The following TLN2 variants were observed in gnomAD, a reference collection of about 807,000 sequenced individuals.
The protein encoded by TLN2 is talin 2, also known as talin-2.
Under a neutral mutation model 294.7 loss-of-function variants are expected in TLN2, and 118 were observed. The observed-to-expected ratio is 0.40, with a 90% CI of 0.34 to 0.47. The LOEUF (loss-of-function observed/expected upper bound fraction) is 0.47. Ranked by LOEUF, TLN2 falls within the 20% of genes least tolerant of loss-of-function variation. The probability of loss-of-function intolerance (pLI) is 0.84; values close to 1 mark genes in which losing one functional copy is unlikely to be tolerated. For synonymous variants in TLN2, 1,431 were observed against 1,304.5 expected, an observed-to-expected ratio of 1.10 and a Z score of -2.09; for missense variants, 3,083 against 3,282.2, an observed-to-expected ratio of 0.94 and a Z score of 1.48.
Position 62,753,822 on chromosome 15 carries a change from A to G in TLN2, c.4382A>G (p.Gln1461Arg), listed in dbSNP as rs1416175262. 6.2e-7 allele frequency: 1 copy of G among 1,612,406 alleles called. No individual in the cohort carries two copies. The highest frequency in any genetic ancestry group is 2.2e-5 in the East Asian group (1 of 44,768). The stretch of plus-strand genomic sequence containing the variant: ...GATCCAAACAGCCAGGCAGGCCACC[A>G]GGGCCTGGTGGACCCCATCCAGTTT... ...ISDPNSQAGH[Q>R]GLVDPIQFAR... The change falls in exon 36 of 59, where the codon CAG becomes CGG. Residue 1461 changes from glutamine (Q) to arginine (R), a missense_variant. Gln to Arg is a conservative substitution (Grantham distance 43, BLOSUM62 1). Transcript: ENST00000636159.
chr15:62,485,200 T>C (rs2439717), intron 1 of TLN2, among the ~76,000 whole-genome samples: 75,179 of 151,982 alleles, frequency 0.49, 19,937 homozygotes, highest in African/African-American at 0.7. Flanking sequence ...GGATAATCTC[T>C]CCATCTCAAA....
Position 62,478,069 on chromosome 15 carries a change from G to C in TLN2, c.-238+87384G>C, listed in dbSNP as rs182069383. Among the ~76,000 whole-genome samples, 1,438 of 152,322 alleles carry C rather than the reference G, an allele frequency of 9.4e-3. 12 individuals carry two copies. The highest frequency in any genetic ancestry group is 0.017 in the Non-Finnish European group (1,130 of 68,032). ...TAACAGCATTCTCGGAGTACTTCCA[G>C]TGTCCTAGGCCTTGGGCTAAGTGTG... On this transcript the variant is annotated intron_variant, in intron 1 of 58. Transcript: ENST00000636159.
At chr15:62,602,969 T>G (rs2047125821) in intron 2 of TLN2, among the ~76,000 whole-genome samples, 1 of 151,928 alleles carries the variant, frequency 6.6e-6, no homozygotes. Context: ...CTTGGCTCAC[T>G]GCAAACTCTG....
chr15:62,630,133 T>C (rs563329157), intron 3 of TLN2, among the ~76,000 whole-genome samples: 12 of 19,440 alleles, frequency 6.2e-4, no homozygotes, highest in East Asian at 0.019. Flanking sequence ...TCTGTAACTA[T>C]TGGAAAAACT....
rs2070687991 is a variant in TLN2 at position 62,841,412 on chromosome 15, A to C, written c.*802A>C. On this transcript the variant is annotated 3_prime_UTR_variant, in exon 59 of 59. Coordinates refer to ENST00000636159, the MANE Select transcript of TLN2 (RefSeq NM_015059.3). ...CACAAACCCACGGCTCCCAGTTGAC[A>C]GTCAGTGGAATGCTCGTCTCCTTAG... 1 of 152,112 alleles carries C rather than the reference A, an allele frequency of 6.6e-6. No individual in the cohort carries two copies. Among genetic ancestry groups the C allele is most frequent in the African/African-American group, 2.4e-5 (1 of 41,406 alleles). The allele number at this position is 152,112 out of a possible 1,614,324, so 9.4% of individuals were successfully genotyped here. A position where few individuals can be genotyped will look rare whatever the true frequency, so the allele number is the denominator to read the frequency against.
chr15:62,723,283 C>A (rs1438406948), intron 26 of TLN2, among the ~76,000 whole-genome samples: 1 of 152,168 alleles, frequency 6.6e-6, no homozygotes, highest in Non-Finnish European at 1.5e-5. Context: ...CTGTGTTTCT[C>A]AAAGAGAGCT....
At chr15:62,411,222 G>A (rs1022754576) in intron 1 of TLN2, among the ~76,000 whole-genome samples, 1 of 152,146 alleles carries the variant, frequency 6.6e-6, no homozygotes, top group African/African-American at 2.4e-5. Context: ...GGAACCCACC[G>A]CATAGTGGCC....
chr15:62,614,159 G>T (rs893197554), intron 2 of TLN2, among the ~76,000 whole-genome samples: 1 of 152,042 alleles, frequency 6.6e-6, no homozygotes, highest in Non-Finnish European at 1.5e-5. Flanking sequence ...AAAAAATCAG[G>T]CTTACTGTAC....
Position 62,768,296 on chromosome 15 carries a change from G to T in TLN2, c.5196+1874G>T, listed in dbSNP as rs529934293. ...TGCAGTCTACAGAGACTGTAGAGTG[G>T]ATTCCCTAGAGAATCTGTTCTTTGC... On this transcript the variant is annotated intron_variant, in intron 41 of 58. Transcript: ENST00000636159. 1.6e-4 allele frequency among the ~76,000 whole-genome samples: 24 copies of T among 152,296 alleles called. No individual in the cohort carries two copies. The East Asian group carries it at 4.4e-3, about 28-fold the overall frequency.
chr15:62,409,396 T>C (rs181869744), intron 1 of TLN2, among the ~76,000 whole-genome samples: 179 of 152,276 alleles, frequency 1.2e-3, no homozygotes, highest in African/African-American at 4.1e-3. Context: ...TACTGTTAGA[T>C]TGTTTATATT....
chr15:62,718,492 A>G (rs1453985470), intron 24 of TLN2, among the ~76,000 whole-genome samples: 1 of 152,192 alleles, frequency 6.6e-6, no homozygotes, highest in African/African-American at 2.4e-5. Context: ...GAGGGGTGCC[A>G]CTGCTCCCAC....
intron 2 of TLN2, among the ~76,000 whole-genome samples, chr15:62,604,568 T>C (rs912083298): frequency 1.4e-5 from 2 of 147,418 alleles, no homozygotes; most frequent in Admixed American, 6.8e-5. Context: ...GGGGCGATTG[T>C]CAACAGTATA....
chr15:62,662,430 A>T (rs994368162), intron 9 of TLN2, among the ~76,000 whole-genome samples: 1 of 152,250 alleles, frequency 6.6e-6, no homozygotes, highest in African/African-American at 2.4e-5. Flanking sequence ...CTGTAATACC[A>T]AAATGAATAC....
chr15:62,553,134 C>A (rs2140562100), intron 1 of TLN2, among the ~76,000 whole-genome samples: 1 of 152,282 alleles, frequency 6.6e-6, no homozygotes, highest in South Asian at 2.1e-4. Context: ...AAAGGTTGAA[C>A]TGATTTACAG....
chr15:62,702,822 T>C lies in TLN2; in HGVS notation c.1962T>C (p.Leu654=). 1.2e-6 allele frequency: 2 copies of C among 1,614,224 alleles called. No individual in the cohort carries two copies. Among genetic ancestry groups the C allele is most frequent in the Non-Finnish European group, 1.7e-6 (2 of 1,180,044 alleles). The change falls in exon 19 of 59, where the codon CTT becomes CTC. Residue 654 remains leucine, a synonymous_variant. Transcript: ENST00000636159. ...GCATCGGACAAGCCAGTGGGGATCT[T>C]CTGAGACAGATTGGAGAGAATGAGA... The part of the protein sequence containing the change: ...AGSIGQASGD[L]LRQIGENETD...
chr15:62,676,759 C>T (rs142968613), intron 11 of TLN2, among the ~76,000 whole-genome samples: 5,454 of 152,256 alleles, frequency 0.036, 113 homozygotes, highest in Middle Eastern at 0.075. Context: ...GGACTACAGG[C>T]GCATGCTGCC....
At chr15:62,760,606 G>C (rs2062599157) in intron 37 of TLN2, among the ~76,000 whole-genome samples, 1 of 152,260 alleles carries the variant, frequency 6.6e-6, no homozygotes, top group Admixed American at 6.5e-5. Context: ...TGGGTCACAG[G>C]CTGTAGGTTC....
intron 1 of TLN2, among the ~76,000 whole-genome samples, chr15:62,547,921 C>T (rs777544418): frequency 1.3e-5 from 2 of 152,132 alleles, no homozygotes; most frequent in Non-Finnish European, 2.9e-5. Flanking sequence ...GAGTGACTGG[C>T]AGTGATCAGG....
At chr15:62,423,389 A>AAAC (rs892287007) in intron 1 of TLN2, among the ~76,000 whole-genome samples, 3 of 151,962 alleles carry the variant, frequency 2.0e-5, no homozygotes, top group African/African-American at 7.3e-5. Context: ...AAACAAAACA[A>AAAC]AACAACAACA....
Sources: gnomAD v4.1 joint callset for allele counts (sites outside exome capture counted in the v4.1 genomes callset) on GRCh38, gnomAD v4.1.1 for gene constraint, MANE v1.5 for transcripts, NCBI Gene and HGNC (gene_info 2026-07-23, HGNC 2026-07-21) for gene names.